The following AKR1C8 variants were observed in gnomAD, a reference collection of about 807,000 sequenced individuals.
The protein encoded by AKR1C8 is aldo-keto reductase family 1 member C8.
At chr10:5,151,045 G>T in the AKR1C8 span, among the ~76,000 whole-genome samples, 11 of 152,092 alleles carry the variant, frequency 7.2e-5, no homozygotes, top group Non-Finnish European at 1.6e-4. Context: ...TGATTGGTTG[G>T]GTTGGAGATT....
chr10:5,123,951 G>A, the AKR1C8 span: 4 of 944,960 alleles, frequency 4.2e-6, no homozygotes, highest in Non-Finnish European at 6.1e-6. Context: ...CAATATTACT[G>A]TCAACTAATT....
the AKR1C8 span, among the ~76,000 whole-genome samples, chr10:5,119,233 A>T: frequency 2.6e-5 from 4 of 152,236 alleles, no homozygotes; most frequent in African/African-American, 9.6e-5. Context: ...TGGCACAGTA[A>T]GCAAGAACTA....
At chr10:5,146,867 T>C in the AKR1C8 span, among the ~76,000 whole-genome samples, 1 of 152,198 alleles carries the variant, frequency 6.6e-6, no homozygotes, top group Non-Finnish European at 1.5e-5. Context: ...TAATGGTATG[T>C]CTGTGATTAT....
chr10:5,172,611 A>G, the AKR1C8 span, among the ~76,000 whole-genome samples: 2 of 152,098 alleles, frequency 1.3e-5, no homozygotes, highest in Non-Finnish European at 2.9e-5. Flanking sequence ...AAATTTTGAC[A>G]CCTTATAGTA....
the AKR1C8 span, among the ~76,000 whole-genome samples, chr10:5,147,088 T>A: frequency 1.3e-5 from 2 of 152,184 alleles, no homozygotes; most frequent in Non-Finnish European, 2.9e-5. Flanking sequence ...GCTGCTTCCA[T>A]TCATGGCAAA....
the AKR1C8 span, among the ~76,000 whole-genome samples, chr10:5,130,744 G>T: frequency 1.3e-5 from 2 of 151,726 alleles, no homozygotes; most frequent in African/African-American, 4.8e-5. Context: ...TCTCTACAAG[G>T]AAAACTATAA....
chr10:5,162,740 C>T, the AKR1C8 span: 9 of 369,440 alleles, frequency 2.4e-5, no homozygotes, highest in African/African-American at 8.3e-5. Flanking sequence ...TATAATATGC[C>T]TTCATAATAT....
the AKR1C8 span, among the ~76,000 whole-genome samples, chr10:5,149,475 T>C: frequency 6.6e-6 from 1 of 152,146 alleles, no homozygotes; most frequent in African/African-American, 2.4e-5. Flanking sequence ...CCTTTCTATC[T>C]CAGCCAAAAA....
the AKR1C8 span, chr10:5,132,498 C>G: frequency 9.0e-7 from 1 of 1,107,642 alleles, no homozygotes; most frequent in East Asian, 2.9e-5. Flanking sequence ...TAAATTGGAA[C>G]CAATAAGCAC....
chr10:5,183,915 A>G, the AKR1C8 span, among the ~76,000 whole-genome samples: 1 of 152,186 alleles, frequency 6.6e-6, no homozygotes, highest in African/African-American at 2.4e-5. Flanking sequence ...ACAGAGAAAC[A>G]CATTTGTCTT....
chr10:5,131,611 C>T, the AKR1C8 span, among the ~76,000 whole-genome samples: 7 of 151,560 alleles, frequency 4.6e-5, 1 homozygote, highest in East Asian at 3.9e-4. Flanking sequence ...CAGGGAAGTG[C>T]AAATTAAAAC....
At chr10:5,128,728 C>T in the AKR1C8 span, among the ~76,000 whole-genome samples, 27 of 151,958 alleles carry the variant, frequency 1.8e-4, no homozygotes, top group East Asian at 4.3e-3. Flanking sequence ...ATCAATCCAG[C>T]AAGAATATAT....
the AKR1C8 span, chr10:5,132,490 A>C: frequency 9.7e-7 from 1 of 1,035,974 alleles, no homozygotes; most frequent in Non-Finnish European, 1.3e-6. Flanking sequence ...TGTGTCAATA[A>C]ATTGGAACCA....
At chr10:5,175,593 C>T in the AKR1C8 span, among the ~76,000 whole-genome samples, 47 of 152,328 alleles carry the variant, frequency 3.1e-4, no homozygotes, top group African/African-American at 1.1e-3. Flanking sequence ...GTCCCACCAA[C>T]AGTGTAAAAG....
chr10:5,167,810 T>C, the AKR1C8 span, among the ~76,000 whole-genome samples: 1 of 152,102 alleles, frequency 6.6e-6, no homozygotes, highest in Non-Finnish European at 1.5e-5. Flanking sequence ...TAGGCTTATC[T>C]GGTAAATTGT....
At chr10:5,131,080 G>A in the AKR1C8 span, among the ~76,000 whole-genome samples, 2 of 151,902 alleles carry the variant, frequency 1.3e-5, no homozygotes, top group African/African-American at 4.8e-5. Flanking sequence ...ACATAAATTG[G>A]GGAAAAGACT....
the AKR1C8 span, among the ~76,000 whole-genome samples, chr10:5,173,574 C>T: frequency 6.6e-6 from 1 of 151,732 alleles, no homozygotes; most frequent in African/African-American, 2.4e-5. Flanking sequence ...GTGGTACAAA[C>T]TTATACAGCC....
chr10:5,163,427 T>C, the AKR1C8 span, among the ~76,000 whole-genome samples: 1 of 152,208 alleles, frequency 6.6e-6, no homozygotes, highest in Non-Finnish European at 1.5e-5. Flanking sequence ...TGTTCTATCA[T>C]TTTTAGAGCA....
chr10:5,135,243 C>T, the AKR1C8 span: 304 of 215,546 alleles, frequency 1.4e-3, no homozygotes, highest in Middle Eastern at 7.1e-3. Flanking sequence ...TCATTCCTTT[C>T]GCTAAGCAGA....
Sources: gnomAD v4.1 joint callset for allele counts (sites outside exome capture counted in the v4.1 genomes callset) on GRCh38, gnomAD v4.1.1 for gene constraint, MANE v1.5 for transcripts, NCBI Gene and HGNC (gene_info 2026-07-23, HGNC 2026-07-21) for gene names.